Variants in CYP2A7 observed in about 807,000 individuals in gnomAD.
CYP2A7 encodes cytochrome P450 2A7.
A neutral mutation model predicts 42.0 loss-of-function variants in CYP2A7; 36 were observed. That is an observed-to-expected ratio of 0.86 (90% CI 0.66 to 1.13). The LOEUF (loss-of-function observed/expected upper bound fraction) is 1.13. CYP2A7 is among the 50% of genes most tolerant of loss of function. CYP2A7 has a pLI of 0.00. For synonymous variants in CYP2A7, 260 were observed against 249.5 expected (o/e 1.04, Z -0.40); for missense variants, 661 against 634.1 (o/e 1.04, Z -0.46).
chr19:40,881,541 A>G, intron 2 of CYP2A7, 48 bp downstream of exon 2: 1 of 1,608,170 alleles, frequency 6.2e-7, no homozygotes, highest in Non-Finnish European at 8.5e-7. Flanking sequence ...CAACACTGAG[A>G]CCATCGTGTC....
chr19:40,875,936 T>A, intron 8 of CYP2A7, 62 bp from the exon 9 acceptor site: 2 of 1,479,274 alleles, frequency 1.4e-6, no homozygotes, highest in South Asian at 2.7e-5. Context: ...CTCGCCCCAG[T>A]ACCGACCTCC....
rs200261904 is a variant in CYP2A7 at position 40,877,876 on chromosome 19, G to A, written c.949C>T (p.Leu317Phe). 5 of 1,610,188 alleles carry A rather than the reference G, an allele frequency of 3.1e-6. No homozygotes were observed. The highest frequency in any genetic ancestry group is 3.4e-6 in the Non-Finnish European group (4 of 1,178,114). ...CCCTCCACCTCTGGGTGCTTCATGA[G>A]CAGCAAGAAGCCATAGCGCAGGGTG... ...STTLRYGFLL[L>F]MKHPEVEAKV... The change falls in exon 6 of 9, where the codon CTC (leucine) becomes TTC (phenylalanine). Residue 317 changes from leucine to phenylalanine, a missense_variant. Physicochemically the swap from Leu to Phe is conservative, Grantham distance 22. This residue lies in a region of CYP2A7 where 614 missense variants were observed against 552.4 expected (regional missense o/e 1.11). Transcript: ENST00000301146.
chr19:40,875,620 C>G lies in CYP2A7; in HGVS notation c.*73G>C. ...CTTCCCCCCATTCTTATACCCGCCT[C>G]TTCCGCGAACCCCGCCCTGACCCCG... is the stretch of plus-strand genomic sequence containing the variant. On this transcript the variant is annotated 3_prime_UTR_variant, in exon 9 of 9. Coordinates refer to ENST00000301146, the MANE Select transcript of CYP2A7 (RefSeq NM_000764.3). 6.2e-7 allele frequency: 1 copy of G among 1,606,918 alleles called. No individual in the cohort carries two copies. Among genetic ancestry groups the G allele is most frequent in the Non-Finnish European group, 8.5e-7 (1 of 1,175,240 alleles).
At chr19:40,881,558 G>T (rs772593210) in intron 2 of CYP2A7, 31 bp downstream of exon 2, 8 of 1,610,326 alleles carry the variant, frequency 5.0e-6, no homozygotes, top group East Asian at 4.5e-5. Flanking sequence ...TGTCCGCCTG[G>T]CCACCTTCCC....
At chr19:40,881,866 C>T (rs1967701283) in intron 1 of CYP2A7, 115 bp from the exon 2 acceptor site, 5 of 1,523,204 alleles carry the variant, frequency 3.3e-6, no homozygotes, top group Middle Eastern at 2.0e-4. Context: ...AGTCAGGGAG[C>T]TGGACATCCC....
Position 40,882,139 on chromosome 19 carries a change from C to T in CYP2A7, c.72G>A (p.Trp24Ter). 6.2e-7 allele frequency: 1 copy of T among 1,613,964 alleles called. No individual in the cohort carries two copies. The change falls in exon 1 of 9, where the codon TGG becomes TGA. Residue 24 changes from tryptophan (W) to a stop codon, truncating the protein, a stop_gained. Transcript: ENST00000301146. LOFTEE classifies it high-confidence loss of function. ...CLTVMVLMSV[W>*]QQRKSRGKLP... ...GCTTCCCCCTGCTCTTCCTCTGCTG[C>T]CAGACAGACATCAAGACCATCACAG...
intron 6 of CYP2A7, among the ~76,000 whole-genome samples, chr19:40,877,642 A>C: frequency 6.6e-6 from 1 of 151,550 alleles, no homozygotes; most frequent in African/African-American, 2.4e-5. Flanking sequence ...GGCTTGGGAC[A>C]GAAGTGACTG....
chr19:40,882,216 T>C lies in CYP2A7; in HGVS notation c.-6A>G, dbSNP rs367667390. Reference sequence around the variant, plus strand: ...AGCAGCCCTGAGGCCAGCATGGTGGTAGTGAGATGACAGATGGTGATGGGT... The same window carrying C: ...AGCAGCCCTGAGGCCAGCATGGTGGCAGTGAGATGACAGATGGTGATGGGT... On this transcript the variant is annotated 5_prime_UTR_variant, in exon 1 of 9. Transcript: ENST00000301146. 3.4e-5 allele frequency: 55 copies of C among 1,612,842 alleles called. No individual in the cohort carries two copies. In the African/African-American group the frequency reaches 5.6e-4, roughly 16 times the overall value.
At position 40,878,861 on chromosome 19, in the gene CYP2A7, G is replaced by C; in HGVS notation, c.730C>G (p.Leu244Val). The C allele has an allele frequency of 2.5e-6, 4 of 1,611,422 alleles. No homozygotes were observed. The highest frequency in any genetic ancestry group is 3.4e-6 in the Non-Finnish European group (4 of 1,177,994). Residue 244 changes from leucine (L) to valine (V), a missense_variant, in exon 5 of 9, where the codon CTG becomes GTG. Coordinates refer to ENST00000301146, the MANE Select transcript of CYP2A7 (RefSeq NM_000764.3). The part of the protein sequence containing the change: ...QQQAFKLLQG[L>V]EDFIAKKVEH... ...ACCTTCTTGGCTATGAAGTCCTCCAGCCCTTGCAGCAACTTAAAGGCCTGT... is the reference window on the plus strand; with the variant it reads ...ACCTTCTTGGCTATGAAGTCCTCCACCCCTTGCAGCAACTTAAAGGCCTGT...
chr19:40,879,158 A>G, intron 4 of CYP2A7, among the ~76,000 whole-genome samples: 1 of 151,896 alleles, frequency 6.6e-6, no homozygotes, highest in Non-Finnish European at 1.5e-5. Context: ...GAACTGAGGC[A>G]TATATCCAGG....
At chr19:40,880,819 G>A (rs1159334165) in intron 2 of CYP2A7, among the ~76,000 whole-genome samples, 191 bp from the exon 3 acceptor site, 2 of 54,598 alleles carry the variant, frequency 3.7e-5, no homozygotes, top group African/African-American at 1.3e-4. Context: ...GAGAGAGAGA[G>A]AGAGAGAGAG....
intron 6 of CYP2A7, 26 bp from the exon 7 acceptor site, chr19:40,877,403 A>C (rs762325543): frequency 3.7e-6 from 6 of 1,608,662 alleles, no homozygotes; most frequent in East Asian, 4.5e-5. Flanking sequence ...GAATGTGTTT[A>C]GGTATCTGGG....
intron 2 of CYP2A7, among the ~76,000 whole-genome samples, chr19:40,880,922 G>T (rs1440664000): frequency 2.0e-5 from 3 of 150,680 alleles, no homozygotes; most frequent in Admixed American, 6.6e-5. Flanking sequence ...GAGATGCGCA[G>T]AGAAACAGAG....
intron 1 of CYP2A7, 118 bp from the exon 2 acceptor site, chr19:40,881,869 G>A (rs1160550178): frequency 6.6e-7 from 1 of 1,520,086 alleles, no homozygotes; most frequent in Non-Finnish European, 8.8e-7. Context: ...CAGGGAGCTG[G>A]ACATCCCAAG....
chr19:40,878,793 G>T lies in CYP2A7; in HGVS notation c.798C>A (p.Asp266Glu), dbSNP rs1373869744. 9 of 1,611,646 alleles carry T rather than the reference G, an allele frequency of 5.6e-6. No homozygotes were observed. The highest frequency in any genetic ancestry group is 1.1e-5 in the South Asian group (1 of 90,884). The change falls in exon 5 of 9, where the codon GAC becomes GAA. Residue 266 changes from aspartate (D) to glutamate (E), a missense_variant. This residue lies in a region of CYP2A7 where 614 missense variants were observed against 552.4 expected (regional missense o/e 1.11). Transcript: ENST00000301146. ...QRTLDPNSPQ[D>E]FIDSFLIHMQ... is the part of the protein sequence containing the mutation. Reference sequence around the variant, plus strand: ...TGTGGATGAGAAAGGAGTCGATGAAGTCCTGTGGGGAATTGGGATCCAGCG... The same window carrying T: ...TGTGGATGAGAAAGGAGTCGATGAATTCCTGTGGGGAATTGGGATCCAGCG...
At chr19:40,876,749 G>C (rs1192941038) in intron 7 of CYP2A7, 81 bp from the exon 8 acceptor site, 2 of 1,526,108 alleles carry the variant, frequency 1.3e-6, no homozygotes, top group Non-Finnish European at 1.8e-6. Context: ...GGGGGAACTA[G>C]TGTGCCCCAG....
chr19:40,877,423 G>A (rs1159875137), intron 6 of CYP2A7, 46 bp from the exon 7 acceptor site: 38 of 1,602,732 alleles, frequency 2.4e-5, no homozygotes, highest in Non-Finnish European at 3.1e-5. Context: ...GAGTCTCAGA[G>A]CAGGAAATGA....
In CYP2A7 at chr19:40,875,650, TC is replaced by T. The variant is rs751282057; in HGVS notation, c.*42del. 9.9e-6 allele frequency: 16 copies of T among 1,610,736 alleles called. No homozygotes were observed. The South Asian group carries it at 1.8e-4, about 18-fold the overall frequency. On this transcript the variant is annotated 3_prime_UTR_variant, in exon 9 of 9. Coordinates refer to ENST00000301146, the MANE Select transcript of CYP2A7 (RefSeq NM_000764.3). ...GCGAACCCCGCCCTGACCCCGCCTT[TC>T]CCTGGCCCCGCCCACCAGACCTGCA...
In CYP2A7 at chr19:40,876,646, A is replaced by T; in HGVS notation, c.1184T>A (p.Leu395Gln). 1 of 1,612,832 alleles carries T rather than the reference A, an allele frequency of 6.2e-7. No individual in the cohort carries two copies. The highest frequency in any genetic ancestry group is 1.1e-5 in the South Asian group (1 of 91,008). Residue 395 changes from leucine to glutamine, a missense_variant, in exon 8 of 9, where the codon CTG (leucine) becomes CAG (glutamine). Leu to Gln is a moderately radical substitution (Grantham distance 113, BLOSUM62 -2). This residue lies in a region of CYP2A7 where 614 missense variants were observed against 552.4 expected (regional missense o/e 1.11). Transcript: ENST00000301146. ...LPKGTEVFPM[L>Q]GSVLRDPSFF... ...GCTGGGGTCTCTCAGCACGGAGCCC[A>T]GCATAGGGAACACTTCGGTGCCCTG...
Sources: allele counts gnomAD v4.1 joint callset (sites outside exome capture counted in the v4.1 genomes callset), GRCh38; gene constraint gnomAD v4.1.1; regional missense constraint gnomAD v4.1.1; transcripts MANE v1.5; gene names NCBI Gene and HGNC (gene_info 2026-07-23, HGNC 2026-07-21).